SYNJ2: variants seen among roughly 807,000 people sequenced by gnomAD.
SYNJ2 encodes the protein synaptojanin 2.
Under a neutral mutation model 141.3 loss-of-function variants are expected in SYNJ2, and 116 were observed. The ratio of observed to expected loss-of-function variants is 0.82; its 90% CI spans 0.71 to 0.96. The LOEUF (loss-of-function observed/expected upper bound fraction) is 0.96. Among genes scored for constraint, SYNJ2 ranks in the 40% least tolerant of loss-of-function variants. SYNJ2 has a pLI of 0.00. For synonymous variants in SYNJ2, 745 were observed against 777.7 expected, an observed-to-expected ratio of 0.96 and a Z score of 0.70; for missense variants, 1,873 against 1,934.8, an observed-to-expected ratio of 0.97 and a Z score of 0.60.
intron 5 of SYNJ2, among the ~76,000 whole-genome samples, chr6:158,045,724 CT>C (rs755807750): frequency 1.1e-4 from 17 of 152,096 alleles, no homozygotes; most frequent in Non-Finnish European, 1.9e-4. Context: ...AATGACACTC[CT>C]TTTTGTCGTT....
intron 1 of SYNJ2, among the ~76,000 whole-genome samples, chr6:158,015,322 T>G (rs1778411312): frequency 6.6e-6 from 1 of 152,146 alleles, no homozygotes. Context: ...CTTAAGACAA[T>G]GAGGTAGAGA....
intron 5 of SYNJ2, among the ~76,000 whole-genome samples, chr6:158,052,339 T>G (rs1780615959): frequency 6.6e-6 from 1 of 152,236 alleles, no homozygotes; most frequent in Non-Finnish European, 1.5e-5. Flanking sequence ...ACGTTATTAT[T>G]TTTTGAACCG....
chr6:158,069,810 G>A lies in SYNJ2; in HGVS notation c.1940+137G>A, dbSNP rs1169031610. The A allele has an allele frequency of 4.4e-6, 5 of 1,134,638 alleles. No homozygotes were observed. The East Asian group carries it at 7.9e-5, about 18-fold the overall frequency. The allele number at this position is 1,134,638 out of a possible 1,614,324, so 70.3% of individuals were successfully genotyped here. A position where few individuals can be genotyped will look rare whatever the true frequency, so the allele number is the denominator to read the frequency against. On this transcript the variant is annotated intron_variant, in intron 14 of 26. Coordinates refer to ENST00000355585, the MANE Select transcript of SYNJ2 (RefSeq NM_003898.4). Reference sequence around the variant, plus strand: ...CTTACCATTATTTTAGATAAATGTAGCAAAACCCCCTAGGAAAAACTGGGC... The same window carrying A: ...CTTACCATTATTTTAGATAAATGTAACAAAACCCCCTAGGAAAAACTGGGC...
chr6:158,056,438 G>A (rs1206261012), intron 6 of SYNJ2, among the ~76,000 whole-genome samples: 1 of 152,188 alleles, frequency 6.6e-6, no homozygotes, highest in Non-Finnish European at 1.5e-5. Flanking sequence ...CAGCTACTGT[G>A]TCCAGGAAGT....
In SYNJ2 at chr6:158,095,679, A is replaced by C. The variant is rs750033859; in HGVS notation, c.3806A>C (p.Glu1269Ala). Residue 1269 changes from glutamate to alanine, a missense_variant, in exon 27 of 27, where the codon GAG becomes GCG. Transcript: ENST00000355585. ...QTVHFTIGPP[E>A]TSVEAPPVVT... ...GTCCATTTTACAATCGGGCCCCCGG[A>C]GACAAGCGTTGAGGCCCCTCCTGTC... The C allele has an allele frequency of 6.2e-7, 1 of 1,613,584 alleles. No homozygotes were observed. Among genetic ancestry groups the C allele is most frequent in the African/African-American group, 1.3e-5 (1 of 74,876 alleles).
chr6:158,055,454 C>G (rs924874003), intron 6 of SYNJ2, among the ~76,000 whole-genome samples: 4 of 151,546 alleles, frequency 2.6e-5, no homozygotes, highest in African/African-American at 9.7e-5. Context: ...AGAGATTTTA[C>G]TATTAGTAGT....
chr6:157,999,727 G>A (rs1453172279), intron 1 of SYNJ2, among the ~76,000 whole-genome samples: 3 of 152,192 alleles, frequency 2.0e-5, no homozygotes, highest in Non-Finnish European at 4.4e-5. Flanking sequence ...GGGTTTGGGA[G>A]GGCAAGGAAG....
chr6:158,044,523 C>T (rs1305816007), intron 5 of SYNJ2, among the ~76,000 whole-genome samples: 3 of 152,204 alleles, frequency 2.0e-5, no homozygotes, highest in Non-Finnish European at 2.9e-5. Flanking sequence ...AGATAACTGA[C>T]GGCCTCCGGA....
At chr6:157,999,150 A>G (rs1340740345) in intron 1 of SYNJ2, among the ~76,000 whole-genome samples, 1 of 152,258 alleles carries the variant, frequency 6.6e-6, no homozygotes, top group Non-Finnish European at 1.5e-5. Context: ...TATAATGAGC[A>G]ATTCTCCAAA....
chr6:157,999,740 C>T (rs1388504960), intron 1 of SYNJ2, among the ~76,000 whole-genome samples: 1 of 152,166 alleles, frequency 6.6e-6, no homozygotes, highest in Non-Finnish European at 1.5e-5. Flanking sequence ...CAAGGAAGCC[C>T]CTGGCAGGAG....
At position 158,095,578 on chromosome 6, in the gene SYNJ2, T is replaced by C. The variant is rs142715550; in HGVS notation, c.3745-40T>C. Reference sequence around the variant, plus strand: ...TCTCTGATCCTCAGCTGCCTAGTTATTGGCTTCTTATTTACACTCTTTGTC... The same window carrying C: ...TCTCTGATCCTCAGCTGCCTAGTTACTGGCTTCTTATTTACACTCTTTGTC... On this transcript the variant is annotated intron_variant, in intron 26 of 26. Transcript: ENST00000355585. The C allele has an allele frequency of 2.0e-3, 3,130 of 1,534,284 alleles. 21 individuals are homozygous for C. The highest frequency in any genetic ancestry group is 0.019 in the Middle Eastern group (108 of 5,696).
At chr6:158,057,612 A>G (rs576090218) in intron 6 of SYNJ2, among the ~76,000 whole-genome samples, 2 of 152,364 alleles carry the variant, frequency 1.3e-5, no homozygotes, top group Admixed American at 6.5e-5. Flanking sequence ...ATGATGAGGA[A>G]TAGTGAGTAA....
intron 1 of SYNJ2, among the ~76,000 whole-genome samples, chr6:158,003,139 T>A (rs1394143833): frequency 6.6e-6 from 1 of 152,178 alleles, no homozygotes; most frequent in Non-Finnish European, 1.5e-5. Flanking sequence ...GATGTGGGCA[T>A]GGCGTTGGTG....
At chr6:158,020,789 C>G (rs1778728262) in intron 2 of SYNJ2, among the ~76,000 whole-genome samples, 1 of 152,250 alleles carries the variant, frequency 6.6e-6, no homozygotes. Context: ...AGCTAAGCAT[C>G]TCTGCGCAAA....
intron 1 of SYNJ2, among the ~76,000 whole-genome samples, chr6:158,003,322 T>A (rs2128321114): frequency 6.6e-6 from 1 of 152,344 alleles, no homozygotes; most frequent in Non-Finnish European, 1.5e-5. Flanking sequence ...AGCTTCTGTT[T>A]CAGACAGATG....
intron 17 of SYNJ2, chr6:158,077,885 A>C: frequency 4.3e-6 from 1 of 231,196 alleles, no homozygotes; most frequent in Non-Finnish European, 8.6e-6. Context: ...GGGTCCTGGA[A>C]ACCCGGCAGC....
intron 12 of SYNJ2, chr6:158,067,569 G>T (rs2128370115): frequency 2.0e-6 from 2 of 985,368 alleles, no homozygotes; most frequent in African/African-American, 3.5e-5. Flanking sequence ...TTGTTTGTTT[G>T]TTTTTTGTTT....
Position 158,069,660 on chromosome 6 carries a change from G to A in SYNJ2, c.1927G>A (p.Val643Ile). 1.9e-6 allele frequency: 3 copies of A among 1,612,764 alleles called. No homozygotes were observed. Among genetic ancestry groups the A allele is most frequent in the Non-Finnish European group, 2.5e-6 (3 of 1,179,104 alleles). Residue 643 changes from valine (V) to isoleucine (I), a missense_variant, in exon 14 of 27, where the codon GTC (valine) becomes ATC (isoleucine). Val to Ile is a conservative substitution (Grantham distance 29). Transcript: ENST00000355585. ...TTATATCTTTGTACGTCCATACCAT[G>A]TCCCGTTCATCAGGTAAGAACATTC... ...CLYIFVRPYH[V>I]PFIRDVAIDT...
intron 4 of SYNJ2, among the ~76,000 whole-genome samples, chr6:158,037,087 C>T (rs1258352715): frequency 6.6e-6 from 1 of 152,162 alleles, no homozygotes; most frequent in Non-Finnish European, 1.5e-5. Context: ...AAGCAAACCG[C>T]ATGCATTTCC....
Sources: gnomAD v4.1 joint callset for allele counts (sites outside exome capture counted in the v4.1 genomes callset) on GRCh38, gnomAD v4.1.1 for gene constraint, MANE v1.5 for transcripts, NCBI Gene and HGNC (gene_info 2026-07-23, HGNC 2026-07-21) for gene names.